OLFML2B: variants seen among roughly 807,000 people sequenced by gnomAD.
OLFML2B encodes the protein olfactomedin-like protein 2B.
In OLFML2B, 57 loss-of-function variants were observed where a neutral mutation model predicts 74.9. The observed-to-expected ratio is 0.76, with a 90% CI of 0.61 to 0.95. OLFML2B has a LOEUF of 0.95. Ranked by LOEUF, OLFML2B falls within the 40% of genes least tolerant of loss-of-function variation. The pLI is 0.00. For synonymous variants in OLFML2B, 388 were observed against 405.8 expected (o/e 0.96, Z 0.53); for missense variants, 986 against 970.6 (o/e 1.02, Z -0.21).
chr1:161,983,923 G>T lies in OLFML2B; in HGVS notation c.2005C>A (p.Arg669=). 6.2e-7 allele frequency: 1 copy of T among 1,614,168 alleles called. No individual in the cohort carries two copies. The highest frequency in any genetic ancestry group is 8.5e-7 in the Non-Finnish European group (1 of 1,180,016). ...AAGCAGTTGCCGTAGAAATTCCTCC[G>T]GAGCCCCGTGCGCCATGTGGTCTCC... ...QKETTWRTGL[R]RNFYGNCFVI... is the part of the protein sequence containing the mutation. The change falls in exon 8 of 8, where the codon CGG becomes AGG. Residue 669 remains arginine, a synonymous_variant. Coordinates refer to ENST00000294794, the MANE Select transcript of OLFML2B (RefSeq NM_015441.3).
At chr1:162,013,527 G>A (rs778632472) in intron 3 of OLFML2B, among the ~76,000 whole-genome samples, 2 of 152,134 alleles carry the variant, frequency 1.3e-5, no homozygotes, top group Non-Finnish European at 2.9e-5. Context: ...TACCCTGCTG[G>A]AGGCAATGTA....
chr1:162,018,465 T>C (rs1690609294), intron 2 of OLFML2B, among the ~76,000 whole-genome samples: 1 of 152,248 alleles, frequency 6.6e-6, no homozygotes, highest in South Asian at 2.1e-4. Flanking sequence ...CTAAAGGCTC[T>C]GAAAGACATC....
chr1:161,995,409 T>C (rs2341467), intron 6 of OLFML2B, among the ~76,000 whole-genome samples: 31,848 of 152,162 alleles, frequency 0.21, 3,607 homozygotes, highest in African/African-American at 0.27. Flanking sequence ...GCTATTCTAG[T>C]TAAACAGAAT....
intron 6 of OLFML2B, among the ~76,000 whole-genome samples, chr1:161,986,170 C>T (rs1226087229): frequency 6.6e-6 from 1 of 152,088 alleles, no homozygotes; most frequent in Non-Finnish European, 1.5e-5. Flanking sequence ...AGAACCCCTG[C>T]CCCACCTGCC....
intron 6 of OLFML2B, 122 bp from the exon 7 acceptor site, chr1:161,985,102 C>CAG (rs1689555418): frequency 1.0e-6 from 1 of 970,614 alleles, no homozygotes; most frequent in Non-Finnish European, 1.5e-6. Context: ...CCCTGTATAA[C>CAG]CTGACCCCAA....
rs1421414696 is a variant in OLFML2B, at chr1:161,984,844, G to T, written c.1611C>A (p.Asn537Lys). 1 of 1,613,418 alleles carries T rather than the reference G, an allele frequency of 6.2e-7. No individual in the cohort carries two copies. Among genetic ancestry groups the T allele is most frequent in the South Asian group, 1.1e-5 (1 of 91,028 alleles). Residue 537 changes from asparagine to lysine, a missense_variant, in exon 7 of 8, where the codon AAC becomes AAA. By Grantham distance (94) the Asn-to-Lys change is moderately conservative. Transcript: ENST00000294794. Reference sequence around the variant, plus strand: ...CCAGGTTCCGGAACTCTACCAGGGTGTTGCCGTAGTAATAGTTGGTTACGT... The same window carrying T: ...CCAGGTTCCGGAACTCTACCAGGGTTTTGCCGTAGTAATAGTTGGTTACGT... ...RIYVTNYYYGNTLVEFRNLEN... is the reference protein window; with the variant it reads ...RIYVTNYYYGKTLVEFRNLEN...
intron 6 of OLFML2B, among the ~76,000 whole-genome samples, chr1:161,996,846 TCCC>T (rs1689921122): frequency 6.6e-6 from 1 of 152,180 alleles, no homozygotes; most frequent in Non-Finnish European, 1.5e-5. Flanking sequence ...TCAGGAGGCT[TCCC>T]TTCTCTGCTT....
intron 3 of OLFML2B, among the ~76,000 whole-genome samples, chr1:162,008,530 C>T (rs947000344): frequency 2.6e-5 from 4 of 152,134 alleles, no homozygotes; most frequent in African/African-American, 7.2e-5. Flanking sequence ...GTCAAAAAGC[C>T]GGAGAATACT....
intron 1 of OLFML2B, among the ~76,000 whole-genome samples, chr1:162,022,202 C>G (rs1005121427): frequency 1.6e-4 from 24 of 149,614 alleles, no homozygotes; most frequent in African/African-American, 4.9e-4. Flanking sequence ...GAGATCTGGG[C>G]TGAAGACTGT....
intron 4 of OLFML2B, among the ~76,000 whole-genome samples, chr1:162,002,566 A>G (rs1690110011): frequency 6.6e-6 from 1 of 152,224 alleles, no homozygotes; most frequent in Non-Finnish European, 1.5e-5. Context: ...TTGGCCTGGA[A>G]AAAGCCCTGA....
At chr1:161,984,696 G>A in intron 7 of OLFML2B, 108 bp downstream of exon 7, 3 of 1,142,578 alleles carry the variant, frequency 2.6e-6, no homozygotes, top group Non-Finnish European at 3.8e-6. Flanking sequence ...TCAGAAGAAG[G>A]TGTCATCCTT....
intron 6 of OLFML2B, among the ~76,000 whole-genome samples, chr1:161,992,657 G>A (rs1689773402): frequency 6.6e-6 from 1 of 152,224 alleles, no homozygotes; most frequent in South Asian, 2.1e-4. Context: ...ATTGTTGTGT[G>A]TCACAGAACA....
intron 1 of OLFML2B, among the ~76,000 whole-genome samples, chr1:162,022,028 C>T (rs987290738): frequency 2.0e-5 from 3 of 152,094 alleles, no homozygotes; most frequent in South Asian, 4.2e-4. Flanking sequence ...GAGACAAGGC[C>T]CAGTCCTAGG....
chr1:162,002,664 T>C (rs1026249534), intron 4 of OLFML2B, among the ~76,000 whole-genome samples: 5 of 152,162 alleles, frequency 3.3e-5, no homozygotes, highest in Non-Finnish European at 5.9e-5. Context: ...CCAATGGGGT[T>C]GTGTATCTCT....
chr1:161,994,034 G>A (rs1286694292), intron 6 of OLFML2B, among the ~76,000 whole-genome samples: 1 of 152,168 alleles, frequency 6.6e-6, no homozygotes, highest in African/African-American at 2.4e-5. Flanking sequence ...CACCTGCAAG[G>A]GTATATTTTA....
At chr1:161,992,827 GATC>G (rs1336351772) in intron 6 of OLFML2B, among the ~76,000 whole-genome samples, 1 of 152,204 alleles carries the variant, frequency 6.6e-6, no homozygotes, top group Non-Finnish European at 1.5e-5. Context: ...ACTGATCACA[GATC>G]ATCATAACAG....
chr1:162,002,087 A>G (rs976603663), intron 4 of OLFML2B, among the ~76,000 whole-genome samples: 3 of 152,174 alleles, frequency 2.0e-5, no homozygotes, highest in Non-Finnish European at 4.4e-5. Flanking sequence ...CCTGTCCAGG[A>G]TTATAATCAC....
intron 4 of OLFML2B, among the ~76,000 whole-genome samples, chr1:162,001,305 G>A (rs1690073676): frequency 6.6e-6 from 1 of 152,212 alleles, no homozygotes; most frequent in Admixed American, 6.5e-5. Flanking sequence ...TTTTACGGGA[G>A]TGGGCATGGG....
intron 3 of OLFML2B, among the ~76,000 whole-genome samples, chr1:162,009,215 G>A (rs1396628768): frequency 3.3e-5 from 5 of 152,168 alleles, no homozygotes; most frequent in Admixed American, 1.3e-4. Flanking sequence ...AGGGTGATGT[G>A]ACAGATGCAC....
Sources: gnomAD v4.1 joint callset for allele counts (sites outside exome capture counted in the v4.1 genomes callset) on GRCh38, gnomAD v4.1.1 for gene constraint, MANE v1.5 for transcripts, NCBI Gene and HGNC (gene_info 2026-07-23, HGNC 2026-07-21) for gene names.